Variants in ATP1A4 observed in about 807,000 individuals in gnomAD.
The protein encoded by ATP1A4 is sodium/potassium-transporting ATPase subunit alpha-4.
In ATP1A4, 90 loss-of-function variants were observed where a neutral mutation model predicts 114.3. That is an observed-to-expected ratio of 0.79 (90% CI 0.66 to 0.94). The LOEUF is 0.94. Ranked by LOEUF, ATP1A4 falls within the 40% of genes least tolerant of loss-of-function variation. The pLI is 0.00. For synonymous variants in ATP1A4, 511 were observed against 494.1 expected (o/e 1.03, Z -0.45); for missense variants, 1,222 against 1,313.6 (o/e 0.93, Z 1.08).
chr1:160,167,914 C>T (rs745374561), intron 10 of ATP1A4, among the ~76,000 whole-genome samples: 4 of 152,204 alleles, frequency 2.6e-5, no homozygotes, highest in South Asian at 2.1e-4. Flanking sequence ...CCTCCATTGG[C>T]GCCTGACCCT....
chr1:160,167,031 A>G lies in ATP1A4; in HGVS notation c.1310A>G (p.Asn437Ser). The change falls in exon 9 of 22, where the codon AAC becomes AGC. Residue 437 changes from asparagine to serine, a missense_variant. Physicochemically the swap from Asn to Ser is conservative, Grantham distance 46. Transcript: ENST00000368081. ...CTGGCCCGAATCGCTGGCCTCTGCA[A>G]CCGGGCTGACTTTAAGGCTAATCAG... ...FMLARIAGLC[N>S]RADFKANQEI... is the part of the protein sequence containing the mutation. 1 of 1,614,146 alleles carries G rather than the reference A, an allele frequency of 6.2e-7. No individual in the cohort carries two copies. The highest frequency in any genetic ancestry group is 8.5e-7 in the Non-Finnish European group (1 of 1,180,008).
At chr1:160,152,731 G>A (rs1477448032) in intron 1 of ATP1A4, among the ~76,000 whole-genome samples, 2 of 152,130 alleles carry the variant, frequency 1.3e-5, no homozygotes, top group African/African-American at 4.8e-5. Flanking sequence ...CTTTGACCAA[G>A]GCCTGTAAAA....
chr1:160,161,487 C>A (rs1253466539), intron 6 of ATP1A4, among the ~76,000 whole-genome samples: 1 of 152,280 alleles, frequency 6.6e-6, no homozygotes, highest in East Asian at 1.9e-4. Context: ...CAACCCAACC[C>A]CATCTCTAGA....
intron 13 of ATP1A4, 55 bp downstream of exon 13, chr1:160,173,772 C>T (rs892297078): frequency 2.5e-6 from 4 of 1,580,656 alleles, no homozygotes; most frequent in Non-Finnish European, 3.4e-6. Context: ...CCCAGCCTGC[C>T]CCACCCAGAT....
chr1:160,174,864 A>ATG, intron 15 of ATP1A4, 117 bp downstream of exon 15: 2 of 1,477,690 alleles, frequency 1.4e-6, no homozygotes, highest in Non-Finnish European at 1.8e-6. Flanking sequence ...GTACGGGCTC[A>ATG]GAAGAAAATC....
At position 160,156,039 on chromosome 1, in the gene ATP1A4, C is replaced by T. The variant is rs1458976452; in HGVS notation, c.412-6C>T. 1.9e-6 allele frequency: 3 copies of T among 1,584,552 alleles called. No homozygotes were observed. The highest frequency in any genetic ancestry group is 1.7e-5 in the Admixed American group (1 of 59,984). ...ACTGATAAACGCTTTCTTTCCCCACCCTCAGCTCTACCTGAGCATCGTACT... is the reference window on the plus strand; with the variant it reads ...ACTGATAAACGCTTTCTTTCCCCACTCTCAGCTCTACCTGAGCATCGTACT... On this transcript the variant is annotated splice_region_variant and splice_polypyrimidine_tract_variant and intron_variant, in intron 3 of 21. Coordinates refer to ENST00000368081, the MANE Select transcript of ATP1A4 (RefSeq NM_144699.4).
Position 160,155,106 on chromosome 1 carries a change from C to G in ATP1A4, c.269C>G (p.Pro90Arg). ...LTRGGPNTVT[P>R]PPTTPEWVKF... ...CGAGGTGGACCCAATACTGTTACCC[C>G]ACCCCCCACCACTCCAGAATGGGTC... The change falls in exon 3 of 22, where the codon CCA becomes CGA. Residue 90 changes from proline to arginine, a missense_variant. Transcript: ENST00000368081. The G allele has an allele frequency of 3.1e-6, 5 of 1,612,508 alleles. No individual in the cohort carries two copies. The highest frequency in any genetic ancestry group is 4.2e-6 in the Non-Finnish European group (5 of 1,178,640).
chr1:160,157,636 T>C (rs529183264), intron 4 of ATP1A4, among the ~76,000 whole-genome samples: 4 of 152,312 alleles, frequency 2.6e-5, no homozygotes, highest in Admixed American at 2.6e-4. Context: ...TCTTAATTCT[T>C]GGGAAATGCA....
chr1:160,169,534 T>A (rs901583364), intron 10 of ATP1A4: 8 of 152,240 alleles, frequency 5.3e-5, no homozygotes, highest in Non-Finnish European at 7.3e-5. Flanking sequence ...ATTTTGAATG[T>A]AACTGAACAA....
At position 160,182,016 on chromosome 1, in the gene ATP1A4, G is replaced by A. The variant is rs376262146; in HGVS notation, c.2954G>A (p.Arg985Gln). The change falls in exon 20 of 22, where the codon CGA becomes CAA. Residue 985 changes from arginine (R) to glutamine (Q), a missense_variant. Transcript: ENST00000368081. ...SYTPGMDVAL[R>Q]MYPLKITWWL... ...ACTCCAGGCATGGACGTGGCCCTGC[G>A]AATGTACCCACTCAAGTGAGTAAGG... is the stretch of plus-strand genomic sequence containing the variant. 18 of 1,613,776 alleles carry A rather than the reference G, an allele frequency of 1.1e-5. No homozygotes were observed. The highest frequency in any genetic ancestry group is 2.7e-5 in the African/African-American group (2 of 74,890).
intron 10 of ATP1A4, 71 bp from the exon 11 acceptor site, chr1:160,171,180 T>G: frequency 7.2e-7 from 1 of 1,395,924 alleles, no homozygotes. Context: ...CTTTGAAACC[T>G]TCCCCTTCTT....
At chr1:160,168,677 C>A (rs1161406076) in intron 10 of ATP1A4, among the ~76,000 whole-genome samples, 3 of 152,174 alleles carry the variant, frequency 2.0e-5, no homozygotes, top group Non-Finnish European at 2.9e-5. Flanking sequence ...AGCCACCATG[C>A]CTGGCCTCTA....
chr1:160,154,570 G>T (rs1266152746), intron 2 of ATP1A4, among the ~76,000 whole-genome samples: 2 of 151,922 alleles, frequency 1.3e-5, no homozygotes, highest in Admixed American at 6.6e-5. Context: ...ATTAACTATA[G>T]TTGCCCTATT....
chr1:160,161,493 C>G lies in ATP1A4; in HGVS notation c.778+1967C>G, dbSNP rs1004714190. On this transcript the variant is annotated intron_variant, in intron 6 of 21. Coordinates refer to ENST00000368081, the MANE Select transcript of ATP1A4 (RefSeq NM_144699.4). ...GGTTGACATCAACCCAACCCCATCT[C>G]TAGACACACTGAGATTAATTATTAA... 1.1e-4 allele frequency among the ~76,000 whole-genome samples: 16 copies of G among 152,156 alleles called. 1 individual carries two copies. The highest frequency in any genetic ancestry group is 1.0e-4 in the Non-Finnish European group (7 of 68,034).
chr1:160,158,245 A>G (rs1652736942), intron 4 of ATP1A4, among the ~76,000 whole-genome samples: 1 of 152,160 alleles, frequency 6.6e-6, no homozygotes, highest in Admixed American at 6.5e-5. Flanking sequence ...CTGGGCCCTT[A>G]GCTGAGATGA....
At chr1:160,162,304 A>G (rs932718708) in intron 6 of ATP1A4, among the ~76,000 whole-genome samples, 1 of 152,220 alleles carries the variant, frequency 6.6e-6, no homozygotes, top group Non-Finnish European at 1.5e-5. Flanking sequence ...TAAGAAAAGA[A>G]TTTTGTCATG....
chr1:160,184,466 G>A (rs966660882), intron 20 of ATP1A4, among the ~76,000 whole-genome samples: 1 of 152,064 alleles, frequency 6.6e-6, no homozygotes, highest in African/African-American at 2.4e-5. Context: ...AGGATTGCTT[G>A]AGCCCAGGAG....
At chr1:160,152,256 T>G (rs1652484645) in intron 1 of ATP1A4, 69 bp downstream of exon 1, 1 of 1,536,646 alleles carries the variant, frequency 6.5e-7, no homozygotes, top group Non-Finnish European at 8.8e-7. Context: ...CTTTAACATC[T>G]TACCTTGAGA....
intron 1 of ATP1A4, 120 bp from the exon 2 acceptor site, chr1:160,153,045 G>T: frequency 1.3e-6 from 1 of 782,870 alleles, no homozygotes; most frequent in South Asian, 1.5e-5. Context: ...AGAATTGCAG[G>T]GAGCTTACAA....
Sources: gnomAD v4.1 joint callset for allele counts (sites outside exome capture counted in the v4.1 genomes callset) on GRCh38, gnomAD v4.1.1 for gene constraint, MANE v1.5 for transcripts, NCBI Gene and HGNC (gene_info 2026-07-23, HGNC 2026-07-21) for gene names.